The following BCL2L14 variants were observed in gnomAD, a reference collection of about 807,000 sequenced individuals.
BCL2L14 encodes the protein BCL2 like 14, also known as apoptosis facilitator Bcl-2-like protein 14.
BCL2L14 carries 27 observed loss-of-function variants against 35.3 expected under a neutral mutation model. The observed-to-expected ratio is 0.76, with a 90% CI of 0.56 to 1.05. The LOEUF (loss-of-function observed/expected upper bound fraction) is 1.05, where lower values mean the gene tolerates loss of function less well. Among genes scored for constraint, BCL2L14 ranks in the 50% least tolerant of loss-of-function variants. The pLI, the probability that BCL2L14 is intolerant of heterozygous loss-of-function variation, is 0.00. For missense variants in BCL2L14, 377 were observed against 382.6 expected (o/e 0.99, Z 0.12); for synonymous variants, 139 against 145.9 (o/e 0.95, Z 0.34).
At chr12:12,074,814 A>T (rs1043439829) in intron 1 of BCL2L14, among the ~76,000 whole-genome samples, 1 of 152,188 alleles carries the variant, frequency 6.6e-6, no homozygotes, top group Non-Finnish European at 1.5e-5. Flanking sequence ...TAATTTTTAA[A>T]TTTTAAAAAA....
intron 1 of BCL2L14, 137 bp from the exon 2 acceptor site, chr12:12,079,162 T>TA: frequency 1.4e-6 from 1 of 726,282 alleles, no homozygotes; most frequent in Non-Finnish European, 2.3e-6. Context: ...GACTGTGGCT[T>TA]TTCCCTCTCT....
chr12:12,095,373 A>G, intron 5 of BCL2L14: 2 of 985,414 alleles, frequency 2.0e-6, no homozygotes, highest in Non-Finnish European at 2.4e-6. Context: ...GCATTTTGTC[A>G]TTGCTGCTTT....
chr12:12,080,476 C>T (rs1207465705), intron 2 of BCL2L14, among the ~76,000 whole-genome samples: 3 of 151,776 alleles, frequency 2.0e-5, no homozygotes, highest in Non-Finnish European at 4.4e-5. Context: ...AAAAATTAGC[C>T]GGGCATGGTG....
At chr12:12,055,409 A>G (rs1164820529) in intron 2 of BCL2L14, 1 of 152,224 alleles carries the variant, frequency 6.6e-6, no homozygotes, top group Non-Finnish European at 1.5e-5. Context: ...GGAACACAAG[A>G]AACTCACCAT....
chr12:12,079,482 G>T lies in BCL2L14; in HGVS notation c.177G>T (p.Gly59=). 6.2e-7 allele frequency: 1 copy of T among 1,614,226 alleles called. No homozygotes were observed. The highest frequency in any genetic ancestry group is 8.5e-7 in the Non-Finnish European group (1 of 1,180,046). ...GAAGTTTGTCCCAGAGGGGCCTGGG[G>T]AATTGTTCAGCAAATGAGTCATGGA... ...RTRSLSQRGL[G]NCSANESWTE... is the part of the protein sequence containing the mutation. The change falls in exon 2 of 6, where the codon GGG becomes GGT. Residue 59 remains glycine, a synonymous_variant. Transcript: ENST00000308721.
At chr12:12,067,687 A>T (rs1202194749), upstream of BCL2L14, among the ~76,000 whole-genome samples, 3 of 152,214 alleles carry the variant, frequency 2.0e-5, no homozygotes, top group Admixed American at 2.0e-4. Context: ...GAATGACTGC[A>T]TTATGGCAAT....
intron 2 of BCL2L14, among the ~76,000 whole-genome samples, chr12:12,053,048 T>C (rs1948380308): frequency 6.6e-6 from 1 of 152,158 alleles, no homozygotes; most frequent in African/African-American, 2.4e-5. Flanking sequence ...ATGGACAGTG[T>C]CCTTAGAATG....
intron 2 of BCL2L14, among the ~76,000 whole-genome samples, chr12:12,063,890 A>G (rs1439114469): frequency 6.7e-6 from 1 of 150,238 alleles, no homozygotes; most frequent in African/African-American, 2.5e-5. Flanking sequence ...GTACCTTGTG[A>G]CCCCCACTCG....
At chr12:12,050,305 C>T (rs1252864504) in intron 1 of BCL2L14, among the ~76,000 whole-genome samples, 5 of 151,706 alleles carry the variant, frequency 3.3e-5, no homozygotes, top group South Asian at 2.1e-4. Context: ...TGGTGGCGGG[C>T]GCATGTAGTC....
intron 2 of BCL2L14, among the ~76,000 whole-genome samples, chr12:12,058,601 C>A (rs1948470145): frequency 6.6e-6 from 1 of 151,912 alleles, no homozygotes; most frequent in Non-Finnish European, 1.5e-5. Context: ...GTGACCCCCA[C>A]TCCTGCCCGC....
At position 12,079,450 on chromosome 12, in the gene BCL2L14, A is replaced by G; in HGVS notation, c.145A>G (p.Arg49Gly). Residue 49 changes from arginine (R) to glycine (G), a missense_variant, in exon 2 of 6, where the codon AGA becomes GGA. Transcript: ENST00000308721. ...TGCTCTCTTCTCACCAAAGCTGCTG[A>G]GAACAAGAAGTTTGTCCCAGAGGGG... is the stretch of plus-strand genomic sequence containing the variant. ...TPALFSPKLL[R>G]TRSLSQRGLG... 3 of 1,614,254 alleles carry G rather than the reference A, an allele frequency of 1.9e-6. No homozygotes were observed. The highest frequency in any genetic ancestry group is 1.7e-6 in the Non-Finnish European group (2 of 1,180,050).
At chr12:12,068,230 C>T (rs568931935), upstream of BCL2L14, 45 of 398,344 alleles carry the variant, frequency 1.1e-4, no homozygotes, top group Non-Finnish European at 1.8e-4. Flanking sequence ...CAGGTATGAG[C>T]CACTGTGCAT....
Position 12,094,660 on chromosome 12 carries a change from A to G in BCL2L14, c.679-4A>G, listed in dbSNP as rs11054682. On this transcript the variant is annotated splice_region_variant and splice_polypyrimidine_tract_variant and intron_variant, in intron 4 of 5. Coordinates refer to ENST00000308721, the MANE Select transcript of BCL2L14 (RefSeq NM_138723.2). Reference sequence around the variant, plus strand: ...GTACTGAGTGCTTATTCTTTTGTACACAGCTGAAGAAAGATAAGGCTTTGA... The same window carrying G: ...GTACTGAGTGCTTATTCTTTTGTACGCAGCTGAAGAAAGATAAGGCTTTGA... The G allele has an allele frequency of 0.23, 371,907 of 1,613,510 alleles. 45,373 individuals are homozygous for G. The highest frequency in any genetic ancestry group is 0.35 in the Middle Eastern group (2,148 of 6,060).
intron 5 of BCL2L14, among the ~76,000 whole-genome samples, chr12:12,096,672 C>A (rs1380178837): frequency 6.6e-6 from 1 of 152,280 alleles, no homozygotes; most frequent in East Asian, 1.9e-4. Flanking sequence ...TAGGAAAATG[C>A]AAATCAAAGC....
chr12:12,077,404 G>C (rs747237790), intron 1 of BCL2L14, among the ~76,000 whole-genome samples: 1 of 152,008 alleles, frequency 6.6e-6, no homozygotes, highest in Non-Finnish European at 1.5e-5. Context: ...AATTAGCCAG[G>C]TGTGGTGGCA....
At chr12:12,063,968 C>T (rs1218401761) in intron 2 of BCL2L14, among the ~76,000 whole-genome samples, 2 of 152,088 alleles carry the variant, frequency 1.3e-5, no homozygotes, top group African/African-American at 4.8e-5. Context: ...CATCTCCCTT[C>T]GCTGACTCTC....
intron 2 of BCL2L14, among the ~76,000 whole-genome samples, chr12:12,059,816 A>G (rs1167740101): frequency 2.6e-5 from 4 of 152,168 alleles, no homozygotes; most frequent in Non-Finnish European, 4.4e-5. Flanking sequence ...ACTCCACAGT[A>G]GTTCCAAATA....
At chr12:12,069,799 T>C (rs3901168), upstream of BCL2L14, among the ~76,000 whole-genome samples, 45,172 of 151,980 alleles carry the variant, frequency 0.3, 6,872 homozygotes, top group South Asian at 0.36. Flanking sequence ...ACCTCACTGG[T>C]GCAAAAAATA....
chr12:12,093,687 G>A (rs1262675905), intron 4 of BCL2L14, among the ~76,000 whole-genome samples: 1 of 151,912 alleles, frequency 6.6e-6, no homozygotes, highest in South Asian at 2.1e-4. Flanking sequence ...CAGCTACTTG[G>A]GAGGCTGAGA....
Sources: allele counts gnomAD v4.1 joint callset (sites outside exome capture counted in the v4.1 genomes callset), GRCh38; gene constraint gnomAD v4.1.1; transcripts MANE v1.5; gene names NCBI Gene and HGNC (gene_info 2026-07-23, HGNC 2026-07-21).